RUNDC3B: variants seen among roughly 807,000 people sequenced by gnomAD.
RUNDC3B encodes RUN domain-containing protein 3B.
In RUNDC3B, 33 loss-of-function variants were observed where a neutral mutation model predicts 58.4. The observed-to-expected ratio is 0.56, with a 90% CI of 0.43 to 0.75. The LOEUF (loss-of-function observed/expected upper bound fraction) is 0.75. Among genes scored for constraint, RUNDC3B ranks in the 30% least tolerant of loss-of-function variants. The pLI is 0.00. For synonymous variants in RUNDC3B, 193 were observed against 195.2 expected (o/e 0.99, Z 0.10); for missense variants, 501 against 535.7 (o/e 0.94, Z 0.64).
At chr7:87,817,574 C>T (rs1157265633) in intron 10 of RUNDC3B, among the ~76,000 whole-genome samples, 1 of 152,162 alleles carries the variant, frequency 6.6e-6, no homozygotes, top group African/African-American at 2.4e-5. Flanking sequence ...TTTGCACTTG[C>T]TTTTTCCACT....
In RUNDC3B at chr7:87,816,241, A is replaced by C. The variant is rs1193831277; in HGVS notation, c.1204A>C (p.Thr402Pro). The C allele has an allele frequency of 6.2e-7, 1 of 1,611,154 alleles. No homozygotes were observed. Among genetic ancestry groups the C allele is most frequent in the Non-Finnish European group, 8.5e-7 (1 of 1,177,838 alleles). Residue 402 changes from threonine to proline, a missense_variant, in exon 10 of 11, where the codon ACA becomes CCA. Physicochemically the swap from Thr to Pro is conservative, Grantham distance 38. Coordinates refer to ENST00000394654, the MANE Select transcript of RUNDC3B (RefSeq NM_001134405.2). ...ACAAGAAGGAGATGGAAAACAAGAC[A>C]CATTAAATGTAATGAGTGAAGGTAA... The part of the protein sequence containing the change: ...QSQEGDGKQD[T>P]LNVMSEGKED...
intron 6 of RUNDC3B, among the ~76,000 whole-genome samples, chr7:87,761,300 A>AAAGT: frequency 6.6e-6 from 1 of 152,056 alleles, no homozygotes; most frequent in Admixed American, 6.6e-5. Flanking sequence ...TCACAAGGAT[A>AAAGT]GCTATATCCA....
Position 87,830,619 on chromosome 7 carries a change from T to G in RUNDC3B, c.*589T>G, listed in dbSNP as rs1432007727. 1 of 151,916 alleles carries G rather than the reference T, an allele frequency of 6.6e-6. No homozygotes were observed. Among genetic ancestry groups the G allele is most frequent in the Non-Finnish European group, 1.5e-5 (1 of 67,876 alleles). 9.4% of individuals were successfully genotyped at this position (151,916 alleles called of 1,614,324 possible). ...CAATTCAGCATTCCACTTAACATTT[T>G]ATAAATTCCATAGGAACATGCCTGT... On this transcript the variant is annotated 3_prime_UTR_variant, in exon 11 of 11. Transcript: ENST00000394654.
At chr7:87,746,506 C>T (rs565336292) in intron 6 of RUNDC3B, among the ~76,000 whole-genome samples, 2 of 152,242 alleles carry the variant, frequency 1.3e-5, no homozygotes, top group African/African-American at 4.8e-5. Context: ...GTGTTTGGTG[C>T]TTATACATTT....
intron 9 of RUNDC3B, among the ~76,000 whole-genome samples, chr7:87,815,464 G>A (rs1836976052): frequency 6.6e-6 from 1 of 151,846 alleles, no homozygotes; most frequent in Non-Finnish European, 1.5e-5. Flanking sequence ...CCAAATATGA[G>A]GAAAGGTTAA....
intron 2 of RUNDC3B, among the ~76,000 whole-genome samples, chr7:87,660,573 GT>G (rs1325624565): frequency 6.6e-6 from 1 of 151,730 alleles, no homozygotes; most frequent in Non-Finnish European, 1.5e-5. Flanking sequence ...CCAGAGATTT[GT>G]CTGTTTTATT....
At chr7:87,806,868 T>TA (rs1263907958) in intron 8 of RUNDC3B, among the ~76,000 whole-genome samples, 15 of 152,258 alleles carry the variant, frequency 9.9e-5, no homozygotes, top group Admixed American at 7.9e-4. Flanking sequence ...AAAAAATAGT[T>TA]ATGAGAATCT....
chr7:87,729,991 C>T (rs1831483048), intron 4 of RUNDC3B, among the ~76,000 whole-genome samples: 1 of 152,176 alleles, frequency 6.6e-6, no homozygotes, highest in African/African-American at 2.4e-5. Flanking sequence ...GAAGGGTACC[C>T]ATTGCCTTGA....
At chr7:87,738,336 TA>T (rs1386405965) in intron 4 of RUNDC3B, among the ~76,000 whole-genome samples, 1 of 151,984 alleles carries the variant, frequency 6.6e-6, no homozygotes, top group African/African-American at 2.4e-5. Flanking sequence ...GTAGAATATG[TA>T]AAAAAATCCT....
rs150922989 is a variant in RUNDC3B, at chr7:87,785,887, T to C, written c.956+7932T>C. Among the ~76,000 whole-genome samples the C allele has an allele frequency of 3.1e-3, 466 of 152,308 alleles. 6 individuals are homozygous for C. The highest frequency in any genetic ancestry group is 0.011 in the African/African-American group (446 of 41,556). ...TGCCAACTCAAATGTCTGTGTGGGT[T>C]GTGGGATCTTTTATAGTTAGGATCC... is the stretch of plus-strand genomic sequence containing the variant. On this transcript the variant is annotated intron_variant, in intron 8 of 10. Transcript: ENST00000394654.
intron 8 of RUNDC3B, among the ~76,000 whole-genome samples, chr7:87,783,586 C>T (rs1205832046): frequency 2.6e-5 from 4 of 152,020 alleles, no homozygotes; most frequent in South Asian, 2.1e-4. Context: ...TTTTTAGTCT[C>T]GATAGGGTCT....
intron 2 of RUNDC3B, among the ~76,000 whole-genome samples, chr7:87,653,181 A>C (rs1416336286): frequency 6.6e-6 from 1 of 152,084 alleles, no homozygotes; most frequent in African/African-American, 2.4e-5. Flanking sequence ...AATTAATAAC[A>C]ATATTAGAAT....
At chr7:87,690,537 A>G (rs1380067091) in intron 2 of RUNDC3B, among the ~76,000 whole-genome samples, 2 of 152,198 alleles carry the variant, frequency 1.3e-5, no homozygotes, top group African/African-American at 2.4e-5. Flanking sequence ...AAGAAAAGTT[A>G]TATATAGTAC....
intron 1 of RUNDC3B, among the ~76,000 whole-genome samples, chr7:87,640,035 T>A (rs1465602827): frequency 6.6e-6 from 1 of 150,980 alleles, no homozygotes; most frequent in Non-Finnish European, 1.5e-5. Context: ...GAGTCATATA[T>A]TCCATTTCTT....
At chr7:87,680,293 T>C (rs963288717) in intron 2 of RUNDC3B, among the ~76,000 whole-genome samples, 1 of 150,730 alleles carries the variant, frequency 6.6e-6, no homozygotes, top group Non-Finnish European at 1.5e-5. Flanking sequence ...ACATTTGGGT[T>C]GGTTCCAAGT....
intron 4 of RUNDC3B, among the ~76,000 whole-genome samples, chr7:87,715,436 AT>A (rs1441619099): frequency 7.7e-6 from 1 of 129,416 alleles, no homozygotes; most frequent in Non-Finnish European, 1.6e-5. Context: ...ATATAATTAT[AT>A]TAATATAATA....
intron 2 of RUNDC3B, among the ~76,000 whole-genome samples, chr7:87,661,599 C>G (rs898156315): frequency 1.3e-5 from 2 of 151,850 alleles, no homozygotes; most frequent in Non-Finnish European, 2.9e-5. Flanking sequence ...ATGATAGGAT[C>G]TCATTTTTTT....
intron 2 of RUNDC3B, among the ~76,000 whole-genome samples, chr7:87,660,051 GT>G (rs1387884176): frequency 6.6e-6 from 1 of 152,118 alleles, no homozygotes; most frequent in Non-Finnish European, 1.5e-5. Context: ...GTGTTTATGA[GT>G]AAAATTAGTC....
At chr7:87,773,284 C>T (rs913240847) in intron 7 of RUNDC3B, among the ~76,000 whole-genome samples, 93 of 144,104 alleles carry the variant, frequency 6.5e-4, no homozygotes, top group South Asian at 1.7e-3. Context: ...GATCGCGCCA[C>T]TGCACTCCAG....
Sources: allele counts gnomAD v4.1 joint callset (sites outside exome capture counted in the v4.1 genomes callset), GRCh38; gene constraint gnomAD v4.1.1; transcripts MANE v1.5; gene names NCBI Gene and HGNC (gene_info 2026-07-23, HGNC 2026-07-21).